Variants in ANGPT2 observed in about 807,000 individuals in gnomAD.
The protein encoded by ANGPT2 is angiopoietin-2.
In ANGPT2, 28 loss-of-function variants were observed where a neutral mutation model predicts 62.9. The observed-to-expected ratio is 0.44, with a 90% confidence interval of 0.33 to 0.61. The LOEUF is 0.61. ANGPT2 is among the 20% of genes least tolerant of loss of function. ANGPT2 has a pLI of 0.03. For missense variants in ANGPT2, 727 were observed against 594.9 expected (o/e 1.22, Z -2.31); for synonymous variants, 284 against 207.8 (o/e 1.37, Z -3.15).
At chr8:6,548,958 T>G (rs1586559525) in intron 1 of ANGPT2, among the ~76,000 whole-genome samples, 1 of 152,256 alleles carries the variant, frequency 6.6e-6, no homozygotes, top group Non-Finnish European at 1.5e-5. Context: ...GGGGGAATTA[T>G]GTTTAACCAG....
chr8:6,538,366 C>A (rs956308243), intron 1 of ANGPT2, among the ~76,000 whole-genome samples: 27 of 152,248 alleles, frequency 1.8e-4, no homozygotes, highest in Admixed American at 2.6e-4. Flanking sequence ...CACGCATCCC[C>A]CAGCTGCTCT....
At chr8:6,534,515 C>G (rs991449491) in intron 1 of ANGPT2, among the ~76,000 whole-genome samples, 1 of 152,022 alleles carries the variant, frequency 6.6e-6, no homozygotes, top group Non-Finnish European at 1.5e-5. Context: ...GCCATCCACC[C>G]GCCTCAGCCC....
At chr8:6,511,818 A>G (rs538998351) in intron 7 of ANGPT2, among the ~76,000 whole-genome samples, 1 of 152,324 alleles carries the variant, frequency 6.6e-6, no homozygotes, top group Non-Finnish European at 1.5e-5. Context: ...AAATATTTTT[A>G]TAATGTCAGC....
Position 6,503,015 on chromosome 8 carries a change from A to G in ANGPT2, c.*86T>C. 1 of 1,491,290 alleles carries G rather than the reference A, an allele frequency of 6.7e-7. No homozygotes were observed. The highest frequency in any genetic ancestry group is 1.4e-5 in the African/African-American group (1 of 72,772). The allele number at this position is 1,491,290 out of a possible 1,614,324, so 92.4% of individuals were successfully genotyped here. On this transcript the variant is annotated 3_prime_UTR_variant, in exon 9 of 9. Coordinates refer to ENST00000629816, the MANE Select transcript of ANGPT2 (RefSeq NM_001118887.2). ...CACACGCCCTCTGTGGTGGAAGAGG[A>G]CACAGTGCGCAGCCGTGACTTTCAG...
intron 2 of ANGPT2, among the ~76,000 whole-genome samples, chr8:6,529,685 G>A (rs889110997): frequency 6.2e-5 from 9 of 144,748 alleles, no homozygotes; most frequent in Admixed American, 2.8e-4. Flanking sequence ...AGCTGGTCTC[G>A]GACTCCTGAT....
chr8:6,504,253 G>A lies in ANGPT2; in HGVS notation c.1328-992C>T, dbSNP rs918669299. On this transcript the variant is annotated intron_variant, in intron 8 of 8. Coordinates refer to ENST00000629816, the MANE Select transcript of ANGPT2 (RefSeq NM_001118887.2). ...GAATGGCGTGAACCCGGGAGGCGGA[G>A]CTTGCAGTGAGCCGAGATCGCGCCA... is the stretch of plus-strand genomic sequence containing the variant. 3.5e-5 allele frequency among the ~76,000 whole-genome samples: 5 copies of A among 142,928 alleles called. No individual in the cohort carries two copies. The Admixed American group carries it at 3.7e-4, about 11-fold the overall frequency. The allele number at this position is 142,928 out of a possible 152,430, so 93.8% of individuals were successfully genotyped here. A position where few individuals can be genotyped will look rare whatever the true frequency, so the allele number is the denominator to read the frequency against.
chr8:6,545,481 A>T (rs879218788), intron 1 of ANGPT2, among the ~76,000 whole-genome samples: 1 of 152,248 alleles, frequency 6.6e-6, no homozygotes, highest in Non-Finnish European at 1.5e-5. Context: ...AGGAGCACCT[A>T]AATAATGCCT....
At chr8:6,520,746 G>A (rs1817171400) in intron 4 of ANGPT2, among the ~76,000 whole-genome samples, 1 of 152,146 alleles carries the variant, frequency 6.6e-6, no homozygotes. Context: ...TAATAAGGAA[G>A]GCAAAATGTG....
At chr8:6,527,798 A>C in intron 2 of ANGPT2, 122 bp from the exon 3 acceptor site, 1 of 940,280 alleles carries the variant, frequency 1.1e-6, no homozygotes, top group African/African-American at 1.7e-5. Context: ...TTATTAACCC[A>C]AGTATCTTAT....
chr8:6,507,306 T>A (rs1437785789), intron 8 of ANGPT2, among the ~76,000 whole-genome samples: 1 of 152,242 alleles, frequency 6.6e-6, no homozygotes. Flanking sequence ...TACCTTTGGT[T>A]TTCCTGGGTG....
Position 6,563,073 on chromosome 8 carries a change from CTT to C in ANGPT2, c.-141_-140del. On this transcript the variant is annotated 5_prime_UTR_variant, in exon 1 of 9. An upstream open reading frame in the 5' UTR loses its in-frame stop. Coordinates refer to ENST00000629816, the MANE Select transcript of ANGPT2 (RefSeq NM_001118887.2). ...CGTCAATGAAAGTCTTCTCTTTCCT[CTT>C]TTTCCAGTAGCAAACCTGGTTTTTA... The C allele has an allele frequency of 1.1e-6, 1 of 924,736 alleles. No homozygotes were observed. Among genetic ancestry groups the C allele is most frequent in the Non-Finnish European group, 1.6e-6 (1 of 637,590 alleles). The allele number at this position is 924,736 out of a possible 1,614,324, so 57.3% of individuals were successfully genotyped here.
chr8:6,546,738 G>A (rs1013553128), intron 1 of ANGPT2, among the ~76,000 whole-genome samples: 3 of 152,176 alleles, frequency 2.0e-5, no homozygotes, highest in African/African-American at 7.2e-5. Context: ...CTAGAAGCTT[G>A]CACTTGGTAG....
At chr8:6,513,203 C>A (rs1815528343) in intron 7 of ANGPT2, among the ~76,000 whole-genome samples, 1 of 152,044 alleles carries the variant, frequency 6.6e-6, no homozygotes, top group Non-Finnish European at 1.5e-5. Context: ...ATTGTTATAA[C>A]CAAAGTTAGA....
At chr8:6,516,528 A>G (rs933527261) in intron 5 of ANGPT2, among the ~76,000 whole-genome samples, 1 of 152,216 alleles carries the variant, frequency 6.6e-6, no homozygotes, top group Non-Finnish European at 1.5e-5. Flanking sequence ...ACACAGTTCC[A>G]AGTTTAAATC....
At chr8:6,522,174 T>G (rs1265113909) in intron 3 of ANGPT2, among the ~76,000 whole-genome samples, 1 of 151,640 alleles carries the variant, frequency 6.6e-6, no homozygotes, top group Non-Finnish European at 1.5e-5. Context: ...GCTAACACGG[T>G]GAAACCCCGT....
At chr8:6,524,002 G>C (rs962343373) in intron 3 of ANGPT2, among the ~76,000 whole-genome samples, 5 of 151,780 alleles carry the variant, frequency 3.3e-5, no homozygotes, top group South Asian at 2.1e-4. Context: ...AGCAACTAAA[G>C]ATGTTTCAAT....
intron 1 of ANGPT2, among the ~76,000 whole-genome samples, chr8:6,534,043 C>G (rs567783104): frequency 6.6e-6 from 1 of 152,244 alleles, no homozygotes; most frequent in East Asian, 1.9e-4. Flanking sequence ...AAGCTCCCAG[C>G]TCCCTGCATG....
chr8:6,560,828 A>G (rs1456025043), intron 1 of ANGPT2, among the ~76,000 whole-genome samples: 1 of 152,218 alleles, frequency 6.6e-6, no homozygotes, highest in East Asian at 1.9e-4. Flanking sequence ...AGCTTTGCTT[A>G]TGGAGTTTCA....
intron 1 of ANGPT2, among the ~76,000 whole-genome samples, chr8:6,536,313 C>T (rs1256302694): frequency 6.6e-6 from 1 of 152,160 alleles, no homozygotes; most frequent in Non-Finnish European, 1.5e-5. Flanking sequence ...CGCCTCACAT[C>T]AGCACAGGTG....
Sources: allele counts gnomAD v4.1 joint callset (sites outside exome capture counted in the v4.1 genomes callset), GRCh38; gene constraint gnomAD v4.1.1; transcripts MANE v1.5; gene names NCBI Gene and HGNC (gene_info 2026-07-23, HGNC 2026-07-21).